The following SPIDR variants were observed in gnomAD, a reference collection of about 807,000 sequenced individuals.
The protein encoded by SPIDR is DNA repair-scaffolding protein.
A neutral mutation model predicts 104.6 loss-of-function variants in SPIDR; 93 were observed. The ratio of observed to expected loss-of-function variants is 0.89; its 90% CI spans 0.75 to 1.06. The LOEUF (loss-of-function observed/expected upper bound fraction) is 1.06. SPIDR is among the 50% of genes least tolerant of loss of function. The pLI, the probability that SPIDR is intolerant of heterozygous loss-of-function variation, is 0.00. For missense variants in SPIDR, 1,154 were observed against 1,111.2 expected (o/e 1.04, Z -0.55); for synonymous variants, 431 against 416.9 (o/e 1.03, Z -0.41).
At chr8:47,401,589 T>C (rs1213547557) in intron 6 of SPIDR, among the ~76,000 whole-genome samples, 1 of 151,886 alleles carries the variant, frequency 6.6e-6, no homozygotes, top group Non-Finnish European at 1.5e-5. Context: ...AGGAAACCCA[T>C]CTCACGTGCA....
rs374703735 is a variant in SPIDR, at chr8:47,446,296, C to A, written c.1097+5754C>A. Among the ~76,000 whole-genome samples the A allele has an allele frequency of 1.7e-4, 26 of 152,260 alleles. 1 individual carries two copies. The highest frequency in any genetic ancestry group is 6.0e-4 in the African/African-American group (25 of 41,536). ...ATTATGCTAAATCTACTCGCTTGTG[C>A]TCTATAAATGGAACAATAAAACCTG... On this transcript the variant is annotated intron_variant, in intron 8 of 19. Transcript: ENST00000297423.
At chr8:47,293,067 C>T (rs1037518991) in intron 4 of SPIDR, among the ~76,000 whole-genome samples, 12 of 151,828 alleles carry the variant, frequency 7.9e-5, no homozygotes, top group African/African-American at 2.9e-4. Flanking sequence ...TGTGGGAAGC[C>T]GTTGCCATTA....
intron 5 of SPIDR, among the ~76,000 whole-genome samples, chr8:47,384,730 C>T (rs1279014218): frequency 2.0e-5 from 3 of 152,212 alleles, no homozygotes; most frequent in Non-Finnish European, 4.4e-5. Flanking sequence ...TCCTCCCTCT[C>T]ACCCTCTGGG....
At chr8:47,462,631 TAAATC>T (rs1198828330) in intron 8 of SPIDR, among the ~76,000 whole-genome samples, 1 of 152,160 alleles carries the variant, frequency 6.6e-6, no homozygotes, top group African/African-American at 2.4e-5. Flanking sequence ...AGAAAGATAT[TAAATC>T]AATAACCTAT....
intron 14 of SPIDR, among the ~76,000 whole-genome samples, chr8:47,710,682 G>A (rs1403683368): frequency 2.0e-5 from 3 of 152,046 alleles, no homozygotes; most frequent in African/African-American, 7.2e-5. Flanking sequence ...TGGTCAGGCT[G>A]GTCTTGAACT....
chr8:47,349,455 TTCTCAGA>T (rs1554620772), intron 5 of SPIDR, among the ~76,000 whole-genome samples: 1 of 152,180 alleles, frequency 6.6e-6, no homozygotes, highest in East Asian at 1.9e-4. Flanking sequence ...AGTGTGTCTG[TTCTCAGA>T]TCTCAAACTC....
At chr8:47,628,379 T>C (rs1207729188) in intron 10 of SPIDR, among the ~76,000 whole-genome samples, 1 of 152,200 alleles carries the variant, frequency 6.6e-6, no homozygotes, top group African/African-American at 2.4e-5. Flanking sequence ...GGTAGAATTC[T>C]GACTAAAGGC....
chr8:47,589,263 A>C (rs546657029), intron 8 of SPIDR, among the ~76,000 whole-genome samples: 2 of 151,552 alleles, frequency 1.3e-5, no homozygotes, highest in Non-Finnish European at 2.9e-5. Flanking sequence ...GCTCACACCT[A>C]TAATCCCAGC....
intron 8 of SPIDR, among the ~76,000 whole-genome samples, chr8:47,549,379 CCCA>C (rs1345556538): frequency 6.6e-6 from 1 of 152,172 alleles, no homozygotes; most frequent in Non-Finnish European, 1.5e-5. Context: ...AGTTTACAGT[CCCA>C]CCAACAGTGT....
intron 8 of SPIDR, among the ~76,000 whole-genome samples, chr8:47,461,512 A>G (rs1218423591): frequency 5.9e-5 from 9 of 152,186 alleles, no homozygotes; most frequent in African/African-American, 2.2e-4. Flanking sequence ...GGTTTTCACC[A>G]TGTTGACCAA....
rs777203983 is a variant in SPIDR at position 47,701,983 on chromosome 8, T to C, written c.1945T>C (p.Phe649Leu). The change falls in exon 14 of 20, where the codon TTC becomes CTC. Residue 649 changes from phenylalanine to leucine, a missense_variant. Transcript: ENST00000297423. ...GAATGATCTTGGTACCCGTTGCAGT[T>C]TCTATGCCACGGTGATTTACCAAAA... is the stretch of plus-strand genomic sequence containing the variant. ...QMNDLGTRCS[F>L]YATVIYQKPQ... is the part of the protein sequence containing the mutation. The C allele has an allele frequency of 6.2e-7, 1 of 1,613,698 alleles. No individual in the cohort carries two copies. The highest frequency in any genetic ancestry group is 8.5e-7 in the Non-Finnish European group (1 of 1,179,986).
In SPIDR at chr8:47,359,648, T is replaced by C. The variant is rs965537810; in HGVS notation, c.526-36728T>C. On this transcript the variant is annotated intron_variant, in intron 5 of 19. Transcript: ENST00000297423. ...ATGAGATTTTGATCACTCAGCATTG[T>C]GCCCTATAGAGTTTGTGATTATTCT... 2.6e-5 allele frequency among the ~76,000 whole-genome samples: 4 copies of C among 152,206 alleles called. No individual in the cohort carries two copies. The South Asian group carries it at 8.3e-4, about 32-fold the overall frequency.
chr8:47,586,900 C>A (rs1239923752), intron 8 of SPIDR, among the ~76,000 whole-genome samples: 1 of 152,146 alleles, frequency 6.6e-6, no homozygotes, highest in African/African-American at 2.4e-5. Flanking sequence ...TCCCGAGTAG[C>A]TGGAACTACA....
intron 8 of SPIDR, among the ~76,000 whole-genome samples, chr8:47,458,798 T>C (rs1554711460): frequency 6.6e-6 from 1 of 152,128 alleles, no homozygotes; most frequent in Non-Finnish European, 1.5e-5. Context: ...TACATCCTTG[T>C]ATGCTGATTT....
intron 8 of SPIDR, among the ~76,000 whole-genome samples, chr8:47,504,540 T>C (rs2081159207): frequency 6.6e-6 from 1 of 152,190 alleles, no homozygotes; most frequent in Non-Finnish European, 1.5e-5. Context: ...ATTCGTCTAA[T>C]CTTTTTTCAA....
intron 10 of SPIDR, among the ~76,000 whole-genome samples, chr8:47,627,385 T>TAAC (rs1306881425): frequency 6.6e-6 from 1 of 152,026 alleles, no homozygotes; most frequent in Non-Finnish European, 1.5e-5. Context: ...ACTTAAAGTA[T>TAAC]AATAATAATA....
At position 47,702,101 on chromosome 8, in the gene SPIDR, A is replaced by T. The variant is rs3885623; in HGVS notation, c.1977+86A>T. ...CTCTCTCTCTCTCTCTCTCTCTTAC[A>T]CACACACACACACACACACACACAC... On this transcript the variant is annotated intron_variant, in intron 14 of 19. Coordinates refer to ENST00000297423, the MANE Select transcript of SPIDR (RefSeq NM_001080394.4). The T allele has an allele frequency of 1.2e-3, 194 of 155,696 alleles. 13 individuals are homozygous for T. Among genetic ancestry groups the T allele is most frequent in the African/African-American group, 6.0e-3 (155 of 25,772 alleles). 9.6% of individuals were successfully genotyped at this position (155,696 alleles called of 1,614,324 possible).
chr8:47,420,214 G>C (rs1208471685), intron 7 of SPIDR, among the ~76,000 whole-genome samples: 2 of 152,116 alleles, frequency 1.3e-5, no homozygotes, highest in Non-Finnish European at 2.9e-5. Context: ...TGACAGTGGG[G>C]TTTTAAAGCC....
intron 2 of SPIDR, among the ~76,000 whole-genome samples, chr8:47,282,554 C>G (rs899580459): frequency 3.3e-5 from 5 of 152,378 alleles, no homozygotes; most frequent in East Asian, 1.9e-4. Context: ...CTTCACCTCT[C>G]TCAGCCTTCA....
Sources: gnomAD v4.1 joint callset for allele counts (sites outside exome capture counted in the v4.1 genomes callset) on GRCh38, gnomAD v4.1.1 for gene constraint, MANE v1.5 for transcripts, NCBI Gene and HGNC (gene_info 2026-07-23, HGNC 2026-07-21) for gene names.